Variants in TMEM132C observed in about 807,000 individuals in gnomAD.
TMEM132C encodes protein phosphatase 1, regulatory subunit 152.
Under a neutral mutation model 61.4 loss-of-function variants are expected in TMEM132C, and 29 were observed. That is an observed-to-expected ratio of 0.47 (90% CI 0.35 to 0.64). The LOEUF (loss-of-function observed/expected upper bound fraction) is 0.64. Ranked by LOEUF, TMEM132C falls within the 30% of genes least tolerant of loss-of-function variation. The pLI is 0.00. For missense variants in TMEM132C, 1,408 were observed against 1,476.9 expected, an observed-to-expected ratio of 0.95 and a Z score of 0.76; for synonymous variants, 656 against 633.1, an observed-to-expected ratio of 1.04 and a Z score of -0.54.
At chr12:128,558,571 T>G (rs139221968) in intron 3 of TMEM132C, among the ~76,000 whole-genome samples, 3 of 152,348 alleles carry the variant, frequency 2.0e-5, no homozygotes, top group Non-Finnish European at 4.4e-5. Flanking sequence ...ATCATAAGTC[T>G]CGGGTATGTC....
chr12:128,703,795 G>A (rs1323144405), intron 8 of TMEM132C, among the ~76,000 whole-genome samples: 1 of 152,232 alleles, frequency 6.6e-6, no homozygotes, highest in Admixed American at 6.5e-5. Context: ...AACCTACTTT[G>A]TGGAAGAGGA....
At chr12:128,405,114 A>G (rs1213368848) in intron 1 of TMEM132C, among the ~76,000 whole-genome samples, 2 of 152,064 alleles carry the variant, frequency 1.3e-5, no homozygotes, top group Non-Finnish European at 2.9e-5. Context: ...CAATTATCCT[A>G]TCTTTCTGGG....
At chr12:128,465,768 G>A (rs370973903) in intron 2 of TMEM132C, among the ~76,000 whole-genome samples, 5 of 152,342 alleles carry the variant, frequency 3.3e-5, no homozygotes, top group Middle Eastern at 3.4e-3. Flanking sequence ...CATGCCACGC[G>A]TTAAGGTGCA....
intron 1 of TMEM132C, among the ~76,000 whole-genome samples, chr12:128,408,427 C>T (rs1868391439): frequency 6.6e-6 from 1 of 152,154 alleles, no homozygotes; most frequent in Non-Finnish European, 1.5e-5. Flanking sequence ...CTGTGCCCCG[C>T]CCCTTCACAG....
chr12:128,614,852 G>A (rs190892551), intron 3 of TMEM132C, among the ~76,000 whole-genome samples: 1 of 152,306 alleles, frequency 6.6e-6, no homozygotes, highest in African/African-American at 2.4e-5. Context: ...TACACAGCCA[G>A]GGACAGGGCA....
intron 2 of TMEM132C, among the ~76,000 whole-genome samples, chr12:128,495,792 C>T (rs1484225298): frequency 1.3e-5 from 2 of 151,992 alleles, no homozygotes; most frequent in African/African-American, 4.8e-5. Context: ...ATCCAATTTG[C>T]CAGTCTGTGT....
At chr12:128,376,379 A>C (rs773972801) in intron 1 of TMEM132C, among the ~76,000 whole-genome samples, 2 of 152,108 alleles carry the variant, frequency 1.3e-5, no homozygotes, top group Non-Finnish European at 2.9e-5. Flanking sequence ...TGAGAGTGAA[A>C]TTTCTTTGAT....
intron 1 of TMEM132C, among the ~76,000 whole-genome samples, chr12:128,386,965 A>T (rs540434394): frequency 6.6e-6 from 1 of 152,140 alleles, no homozygotes; most frequent in Non-Finnish European, 1.5e-5. Flanking sequence ...CCACATCTCT[A>T]CAAAAAATAA....
intron 3 of TMEM132C, among the ~76,000 whole-genome samples, chr12:128,568,777 C>A (rs952836785): frequency 6.6e-6 from 1 of 152,154 alleles, no homozygotes; most frequent in Admixed American, 6.5e-5. Flanking sequence ...AACCCCGAGC[C>A]CCGTGTCCCT....
At chr12:128,619,339 C>T (rs568571811) in intron 4 of TMEM132C, among the ~76,000 whole-genome samples, 7 of 152,168 alleles carry the variant, frequency 4.6e-5, no homozygotes, top group Admixed American at 2.0e-4. Context: ...GAGAGAGCCA[C>T]GGATAGGAGG....
intron 3 of TMEM132C, among the ~76,000 whole-genome samples, chr12:128,557,087 A>G (rs953639651): frequency 3.3e-5 from 5 of 152,120 alleles, no homozygotes; most frequent in African/African-American, 1.2e-4. Flanking sequence ...CCTCTTCTTT[A>G]TGGTTCTAAA....
At chr12:128,320,270 C>A (rs1402683892) in intron 1 of TMEM132C, among the ~76,000 whole-genome samples, 1 of 150,910 alleles carries the variant, frequency 6.6e-6, no homozygotes, top group African/African-American at 2.4e-5. Context: ...TTTTTTTTTG[C>A]ATTTTGAATG....
chr12:128,333,548 G>A (rs1252065395), intron 1 of TMEM132C, among the ~76,000 whole-genome samples: 2 of 151,924 alleles, frequency 1.3e-5, no homozygotes, highest in Admixed American at 6.6e-5. Flanking sequence ...AGTGTAGCAT[G>A]TATGTGTGAG....
chr12:128,309,739 CT>C (rs1167955806), intron 1 of TMEM132C, among the ~76,000 whole-genome samples: 1 of 131,298 alleles, frequency 7.6e-6, no homozygotes, highest in African/African-American at 2.8e-5. Flanking sequence ...TTTTTTTTTT[CT>C]TTTTTTTCCT....
At chr12:128,572,406 A>C (rs1359523364) in intron 3 of TMEM132C, among the ~76,000 whole-genome samples, 1 of 149,646 alleles carries the variant, frequency 6.7e-6, no homozygotes, top group Non-Finnish European at 1.5e-5. Context: ...TCACATACCA[A>C]CTGTGGCTGG....
At chr12:128,698,504 T>G (rs1055145465) in intron 8 of TMEM132C, among the ~76,000 whole-genome samples, 3 of 152,210 alleles carry the variant, frequency 2.0e-5, no homozygotes, top group South Asian at 4.1e-4. Context: ...GCCTCACCCG[T>G]GTCTCAATCC....
intron 2 of TMEM132C, among the ~76,000 whole-genome samples, chr12:128,485,912 C>T (rs927605971): frequency 5.9e-5 from 9 of 152,086 alleles, no homozygotes; most frequent in Non-Finnish European, 2.9e-5. Flanking sequence ...TTTCCTTTTG[C>T]GGCAGATGTA....
intron 3 of TMEM132C, among the ~76,000 whole-genome samples, chr12:128,552,376 T>C (rs1263585951): frequency 2.6e-5 from 4 of 152,244 alleles, no homozygotes; most frequent in Non-Finnish European, 4.4e-5. Flanking sequence ...CTTTACAAAA[T>C]GCTCTGTGTA....
In TMEM132C at chr12:128,466,807, C is replaced by T. The variant is rs192303908; in HGVS notation, c.974+51187C>T. Among the ~76,000 whole-genome samples the T allele has an allele frequency of 4.0e-4, 61 of 152,278 alleles. No homozygotes were observed. In the East Asian group the frequency reaches 6.6e-3, roughly 16 times the overall value. ...TGCTGGGATTACAGGCATGAGCCAC[C>T]GCACCTGGCCAGGTACACTTCTTTA... is the stretch of plus-strand genomic sequence containing the variant. On this transcript the variant is annotated intron_variant, in intron 2 of 8. Coordinates refer to ENST00000435159, the MANE Select transcript of TMEM132C (RefSeq NM_001136103.3).
Sources: gnomAD v4.1 joint callset for allele counts (sites outside exome capture counted in the v4.1 genomes callset) on GRCh38, gnomAD v4.1.1 for gene constraint, MANE v1.5 for transcripts, NCBI Gene and HGNC (gene_info 2026-07-23, HGNC 2026-07-21) for gene names.